Variants in KMT2A observed in about 807,000 individuals in gnomAD.
The protein encoded by KMT2A is lysine methyltransferase 2A, also known as histone-lysine N-methyltransferase 2A.
In KMT2A, 16 loss-of-function variants were observed where a neutral mutation model predicts 345.3. That is an observed-to-expected ratio of 0.05 (90% CI 0.03 to 0.07). The LOEUF is 0.07. Ranked by LOEUF, KMT2A falls within the 10% of genes least tolerant of loss-of-function variation. The pLI, the probability that KMT2A is intolerant of heterozygous loss-of-function variation, is 1.00. For synonymous variants in KMT2A, 1,599 were observed against 1,778.6 expected, an observed-to-expected ratio of 0.90 and a Z score of 2.54; for missense variants, 3,272 against 4,841.6, an observed-to-expected ratio of 0.68 and a Z score of 9.62.
At position 118,504,898 on chromosome 11, in the gene KMT2A, G is replaced by A; in HGVS notation, c.9006G>A (p.Met3002Ile). Residue 3002 changes from methionine (M) to isoleucine (I), a missense_variant, in exon 27 of 36, where the codon ATG becomes ATA. By Grantham distance (10) the Met-to-Ile change is conservative. Coordinates refer to ENST00000534358, the MANE Select transcript of KMT2A (RefSeq NM_001197104.2). The surrounding 1 kb of genome is among the most constrained non-coding windows in gnomAD (Gnocchi z 6.4). ...MTPDHFIQGH[M>I]DADHISSPPC... ...CTGATCATTTTATCCAAGGACACAT[G>A]GATGCAGACCACATCTCTAGCCCTC... is the stretch of plus-strand genomic sequence containing the variant. 6.2e-7 allele frequency: 1 copy of A among 1,614,158 alleles called. No homozygotes were observed. The highest frequency in any genetic ancestry group is 8.5e-7 in the Non-Finnish European group (1 of 1,180,026).
At chr11:118,489,304 C>A (rs1194878640) in intron 11 of KMT2A, among the ~76,000 whole-genome samples, 1 of 150,536 alleles carries the variant, frequency 6.6e-6, no homozygotes, top group African/African-American at 2.4e-5. Context: ...ACCATTTTGT[C>A]TAGGGACTTG....
chr11:118,499,831 T>G lies in KMT2A; in HGVS notation c.6080-4T>G, dbSNP rs1555045131. 1 of 1,604,048 alleles carries G rather than the reference T, an allele frequency of 6.2e-7. No homozygotes were observed. Among genetic ancestry groups the G allele is most frequent in the Non-Finnish European group, 8.5e-7 (1 of 1,170,900 alleles). ...CTCTAATCGGTTCTTCTTTCCTTGG[T>G]CAGGGTCTATGACAATCGACTGCTT... On this transcript the variant is annotated splice_polypyrimidine_tract_variant and splice_region_variant and intron_variant, in intron 23 of 35. Transcript: ENST00000534358.
At position 118,451,711 on chromosome 11, in the gene KMT2A, C is replaced by G. The variant is rs150493660; in HGVS notation, c.432+14767C>G. 2.0e-5 allele frequency among the ~76,000 whole-genome samples: 3 copies of G among 148,034 alleles called. No individual in the cohort carries two copies. In the East Asian group the frequency reaches 5.9e-4, roughly 29 times the overall value. On this transcript the variant is annotated intron_variant, in intron 1 of 35. Transcript: ENST00000534358. The stretch of plus-strand genomic sequence containing the variant: ...TCTCACCATCTTATGTAGCTGGTCT[C>G]GAACTCCCAGGCTCAAGCAGTCGTC...
chr11:118,470,027 T>C (rs1224531521), intron 2 of KMT2A, among the ~76,000 whole-genome samples: 3 of 152,152 alleles, frequency 2.0e-5, no homozygotes, highest in South Asian at 2.1e-4. Context: ...TGTTTGTTTA[T>C]AGATGAAAAA....
chr11:118,464,334 G>A (rs1046847286), intron 1 of KMT2A, among the ~76,000 whole-genome samples: 5 of 152,134 alleles, frequency 3.3e-5, no homozygotes, highest in Non-Finnish European at 7.4e-5. Context: ...TGAGGAGTTC[G>A]AGACCAGCCT....
At chr11:118,499,962 C>T (rs376588074) in intron 24 of KMT2A, 49 bp downstream of exon 24, 13 of 1,253,008 alleles carry the variant, frequency 1.0e-5, no homozygotes, top group Middle Eastern at 3.8e-4. Flanking sequence ...CCTGAACACA[C>T]TGAAGCCATG....
rs782799412 is a variant in KMT2A at position 118,491,908 on chromosome 11, C to T, written c.4984C>T (p.His1662Tyr). The T allele has an allele frequency of 1.2e-5, 19 of 1,613,574 alleles. No individual in the cohort carries two copies. The highest frequency in any genetic ancestry group is 1.1e-5 in the Non-Finnish European group (13 of 1,179,928). Residue 1662 changes from histidine to tyrosine, a missense_variant, in exon 15 of 36, where the codon CAT (histidine) becomes TAT (tyrosine). Physicochemically the swap from His to Tyr is moderately conservative, Grantham distance 83. Transcript: ENST00000534358. The surrounding 1 kb of genome is among the most constrained non-coding windows in gnomAD (Gnocchi z 4.2). ...TTTGTTGAATTCTCGGACTACCAGC[C>T]ATTTGCTACGCTACCGGCAGGTAGG... ...TALLNSRTTSHLLRYRQAAKP... is the reference protein window; with the variant it reads ...TALLNSRTTSYLLRYRQAAKP...
At chr11:118,499,746 T>G in intron 23 of KMT2A, 89 bp from the exon 24 acceptor site, 2 of 1,009,668 alleles carry the variant, frequency 2.0e-6, no homozygotes, top group Non-Finnish European at 3.1e-6. Flanking sequence ...CGCCACTGCA[T>G]TCCAGCCTGG....
At chr11:118,517,282 G>T (rs1424316123) in intron 31 of KMT2A, among the ~76,000 whole-genome samples, 2 of 151,476 alleles carry the variant, frequency 1.3e-5, no homozygotes, top group African/African-American at 4.9e-5. Context: ...TGTAGTCCCA[G>T]CTACTCGGGA....
chr11:118,486,446 C>T (rs1950231461), intron 10 of KMT2A, among the ~76,000 whole-genome samples: 1 of 151,166 alleles, frequency 6.6e-6, no homozygotes, highest in Admixed American at 6.6e-5. Flanking sequence ...GAAAAAGTAG[C>T]ACAATTTTAA....
intron 1 of KMT2A, among the ~76,000 whole-genome samples, chr11:118,455,377 G>A (rs1445489878): frequency 6.6e-6 from 1 of 152,114 alleles, no homozygotes; most frequent in Non-Finnish European, 1.5e-5. Flanking sequence ...CCTGTAGCCT[G>A]CTATCTGGTC....
chr11:118,510,217 C>A lies in KMT2A; in HGVS notation c.11071+99C>A. ...GCACCATTTAGGTGGCTGTTTTATG[C>A]TAGATGGTAGGGGGATACCTGGAGG... On this transcript the variant is annotated intron_variant, in intron 30 of 35. Coordinates refer to ENST00000534358, the MANE Select transcript of KMT2A (RefSeq NM_001197104.2). The surrounding 1 kb of genome is among the most constrained non-coding windows in gnomAD (Gnocchi z 4.1). 1 of 947,238 alleles carries A rather than the reference C, an allele frequency of 1.1e-6. No individual in the cohort carries two copies. The highest frequency in any genetic ancestry group is 1.6e-6 in the Non-Finnish European group (1 of 637,824). 58.7% of individuals were successfully genotyped at this position (947,238 alleles called of 1,614,324 possible).
rs545067358 is a variant in KMT2A at position 118,497,742 on chromosome 11, A to T, written c.5665-194A>T. Among the ~76,000 whole-genome samples the T allele has an allele frequency of 6.6e-6, 1 of 152,132 alleles. No individual in the cohort carries two copies. The highest frequency in any genetic ancestry group is 1.5e-5 in the Non-Finnish European group (1 of 68,028). On this transcript the variant is annotated intron_variant, in intron 20 of 35. Transcript: ENST00000534358. This position sits in a 1 kb window ranked among gnomAD's most constrained non-coding sequence, Gnocchi z 4.8. ...TTTGTAAAATAGTTTCAGTCTATGG[A>T]AAAAGTAATCTTGAAAAGAAGGAAG...
intron 1 of KMT2A, among the ~76,000 whole-genome samples, chr11:118,445,688 GT>G (rs1387200615): frequency 1.3e-5 from 2 of 152,208 alleles, no homozygotes; most frequent in African/African-American, 4.8e-5. Flanking sequence ...CTAGTAAAGA[GT>G]AGTGTGTTTA....
At position 118,520,873 on chromosome 11, in the gene KMT2A, T is replaced by C; in HGVS notation, c.11501T>C (p.Val3834Ala). 6.2e-7 allele frequency: 1 copy of C among 1,612,706 alleles called. No homozygotes were observed. Among genetic ancestry groups the C allele is most frequent in the Non-Finnish European group, 8.5e-7 (1 of 1,178,732 alleles). The part of the protein sequence containing the change: ...RHLKKTSKEA[V>A]GVYRSPIHGR... ...TTAAAAAAGACTTCTAAGGAGGCAGTTGGTGTCTACAGGTATGACTAAAAT... is the reference window on the plus strand; with the variant it reads ...TTAAAAAAGACTTCTAAGGAGGCAGCTGGTGTCTACAGGTATGACTAAAAT... The change falls in exon 34 of 36, where the codon GTT (valine) becomes GCT (alanine). Residue 3834 changes from valine to alanine, a missense_variant. By Grantham distance (64) the Val-to-Ala change is moderately conservative (BLOSUM62 0). This residue lies in a region of KMT2A where 78 missense variants were observed against 254.5 expected (regional missense o/e 0.31). Coordinates refer to ENST00000534358, the MANE Select transcript of KMT2A (RefSeq NM_001197104.2). The surrounding 1 kb of genome is among the most constrained non-coding windows in gnomAD (Gnocchi z 4.3).
intron 1 of KMT2A, among the ~76,000 whole-genome samples, chr11:118,441,122 TTATTCTGAGTTTATTTCAAAAGTCAG>T (rs1465965400): frequency 6.6e-6 from 1 of 152,186 alleles, no homozygotes; most frequent in Non-Finnish European, 1.5e-5. Context: ...TCAGAATTTC[TTATTCTGAGTTTATTTCAAAAGTCAG>T]AGTCAAGTGA....
Position 118,501,257 on chromosome 11 carries a change from A to G in KMT2A, c.6319+110A>G, listed in dbSNP as rs1389754831. The G allele has an allele frequency of 6.1e-6, 6 of 977,428 alleles. No homozygotes were observed. In the Admixed American group the frequency reaches 9.2e-5, roughly 15 times the overall value. 60.5% of individuals were successfully genotyped at this position (977,428 alleles called of 1,614,324 possible). A position where few individuals can be genotyped will look rare whatever the true frequency, so the allele number is the denominator to read the frequency against. On this transcript the variant is annotated intron_variant, in intron 25 of 35. Coordinates refer to ENST00000534358, the MANE Select transcript of KMT2A (RefSeq NM_001197104.2). ...TGAATCACTTGAGGCCAGGAGTTCA[A>G]GAACAGCCTGGCCAACATGGTGAAA...
intron 1 of KMT2A, among the ~76,000 whole-genome samples, chr11:118,445,373 T>C (rs187509620): frequency 6.6e-6 from 1 of 152,204 alleles, no homozygotes; most frequent in Non-Finnish European, 1.5e-5. Context: ...AAGGCAGCTA[T>C]AATGGGGTTG....
chr11:118,484,352 C>G lies in KMT2A; in HGVS notation c.4218+38C>G. 1 of 1,599,208 alleles carries G rather than the reference C, an allele frequency of 6.3e-7. No individual in the cohort carries two copies. Among genetic ancestry groups the G allele is most frequent in the Non-Finnish European group, 8.5e-7 (1 of 1,170,906 alleles). On this transcript the variant is annotated intron_variant, in intron 9 of 35. Coordinates refer to ENST00000534358, the MANE Select transcript of KMT2A (RefSeq NM_001197104.2). The surrounding 1 kb of genome is among the most constrained non-coding windows in gnomAD (Gnocchi z 4.1). ...AGTGATCATAAAGTATATTGAGTGT[C>G]AAAGACTTTAAATAAAGAAAATGCT...
Sources: gnomAD v4.1 joint callset for allele counts (sites outside exome capture counted in the v4.1 genomes callset) on GRCh38, gnomAD v4.1.1 for gene constraint, gnomAD v4.1.1 regional missense constraint, Gnocchi (gnomAD v3.1) non-coding constraint, MANE v1.5 for transcripts, NCBI Gene and HGNC (gene_info 2026-07-23, HGNC 2026-07-21) for gene names.